TAFA2: variants seen among roughly 807,000 people sequenced by gnomAD.
TAFA2 encodes the protein TAFA chemokine like family member 2.
TAFA2 carries 7 observed loss-of-function variants against 18.8 expected under a neutral mutation model. The ratio of observed to expected loss-of-function variants is 0.37; its 90% confidence interval spans 0.21 to 0.70. The LOEUF (loss-of-function observed/expected upper bound fraction) is 0.70, where lower values mean the gene tolerates loss of function less well. Ranked by LOEUF, TAFA2 falls within the 30% of genes least tolerant of loss-of-function variation. TAFA2 has a pLI of 0.53. For synonymous variants in TAFA2, 60 were observed against 54.2 expected, an observed-to-expected ratio of 1.11 and a Z score of -0.47; for missense variants, 122 against 158.1, an observed-to-expected ratio of 0.77 and a Z score of 1.23.
At chr12:61,818,885 C>A (rs1872203781) in intron 2 of TAFA2, among the ~76,000 whole-genome samples, 1 of 152,108 alleles carries the variant, frequency 6.6e-6, no homozygotes. Flanking sequence ...ATGCTTATGG[C>A]TACCAATGAA....
chr12:61,960,842 A>G (rs1878859786), intron 1 of TAFA2, among the ~76,000 whole-genome samples: 1 of 151,800 alleles, frequency 6.6e-6, no homozygotes, highest in Non-Finnish European at 1.5e-5. Context: ...CATTTATAAC[A>G]TCTCATAAGC....
intron 1 of TAFA2, among the ~76,000 whole-genome samples, chr12:62,007,454 C>G (rs1282713652): frequency 6.6e-6 from 1 of 152,130 alleles, no homozygotes; most frequent in Non-Finnish European, 1.5e-5. Flanking sequence ...GTTCACTGTT[C>G]TGTTCACAGT....
intron 1 of TAFA2, among the ~76,000 whole-genome samples, chr12:62,164,941 GA>G (rs2062429055): frequency 6.6e-6 from 1 of 152,064 alleles, no homozygotes; most frequent in Non-Finnish European, 1.5e-5. Context: ...ATTTACAGAT[GA>G]AACCCAGAGA....
chr12:62,097,871 A>G (rs530864408), intron 1 of TAFA2, among the ~76,000 whole-genome samples: 4 of 152,262 alleles, frequency 2.6e-5, no homozygotes, highest in South Asian at 2.1e-4. Context: ...AGCTTTTCTC[A>G]GCTGTGTTCA....
intron 1 of TAFA2, among the ~76,000 whole-genome samples, chr12:61,911,991 T>C (rs1180207411): frequency 6.6e-6 from 1 of 152,192 alleles, no homozygotes; most frequent in African/African-American, 2.4e-5. Flanking sequence ...ACTTAAAATT[T>C]TTACCAAACT....
chr12:62,113,858 A>T (rs1869842781), intron 1 of TAFA2, among the ~76,000 whole-genome samples: 1 of 152,206 alleles, frequency 6.6e-6, no homozygotes, highest in African/African-American at 2.4e-5. Flanking sequence ...AAGCTCGAGC[A>T]TCCAGGTCGA....
At chr12:62,118,220 C>A (rs1397952780) in intron 1 of TAFA2, among the ~76,000 whole-genome samples, 2 of 152,066 alleles carry the variant, frequency 1.3e-5, no homozygotes, top group Non-Finnish European at 2.9e-5. Context: ...GTTTTTAACT[C>A]TATAAAATGG....
chr12:62,002,898 C>T (rs1004341440), intron 1 of TAFA2, among the ~76,000 whole-genome samples: 5 of 152,150 alleles, frequency 3.3e-5, no homozygotes, highest in African/African-American at 1.2e-4. Context: ...TCAATTCACT[C>T]TAAAAATGCT....
Position 62,115,687 on chromosome 12 carries a change from G to C in TAFA2, c.-2+75572C>G, listed in dbSNP as rs555763145. ...TGCTTCCCACGGTTGTGTCTGGTTTGTACCAGATGGAGGGAGCTTACTTAA... is the reference window on the plus strand; with the variant it reads ...TGCTTCCCACGGTTGTGTCTGGTTTCTACCAGATGGAGGGAGCTTACTTAA... On this transcript the variant is annotated intron_variant, in intron 1 of 4. Transcript: ENST00000416284. 2.6e-5 allele frequency among the ~76,000 whole-genome samples: 4 copies of C among 152,294 alleles called. No homozygotes were observed. The East Asian group carries it at 7.7e-4, about 29-fold the overall frequency.
chr12:62,089,497 C>T (rs1261679684), intron 1 of TAFA2, among the ~76,000 whole-genome samples: 2 of 151,758 alleles, frequency 1.3e-5, no homozygotes, highest in African/African-American at 4.8e-5. Context: ...CAGTTGATAG[C>T]CCTAGGATAT....
At chr12:62,205,947 TG>T (rs2062689762) in intron 1 of TAFA2, among the ~76,000 whole-genome samples, 2 of 152,286 alleles carry the variant, frequency 1.3e-5, no homozygotes, top group Middle Eastern at 3.4e-3. Context: ...AATCACTCAC[TG>T]ACTCCCTTGG....
intron 1 of TAFA2, among the ~76,000 whole-genome samples, chr12:61,887,810 A>C (rs941470033): frequency 3.6e-4 from 55 of 151,452 alleles, no homozygotes; most frequent in Non-Finnish European, 6.6e-4. Flanking sequence ...TATATGTGCC[A>C]CATTTTCTTA....
chr12:62,142,572 A>G (rs1284305852), intron 1 of TAFA2, among the ~76,000 whole-genome samples: 1 of 152,202 alleles, frequency 6.6e-6, no homozygotes, highest in East Asian at 1.9e-4. Context: ...ATATTGGCCA[A>G]TATTGCAGAG....
chr12:61,779,880 C>T lies in TAFA2; in HGVS notation c.107-24856G>A, dbSNP rs190116988. 8.2e-3 allele frequency among the ~76,000 whole-genome samples: 1,251 copies of T among 151,760 alleles called. 6 individuals carry two copies. Among genetic ancestry groups the T allele is most frequent in the Non-Finnish European group, 0.013 (915 of 67,812 alleles). ...GTCTTCTTACTGGATCTGTTCTTTT[C>T]CCTTTTTATGACTATAAATATTAAT... On this transcript the variant is annotated intron_variant, in intron 2 of 4. Transcript: ENST00000416284.
intron 1 of TAFA2, among the ~76,000 whole-genome samples, chr12:62,090,436 C>T (rs1047196333): frequency 2.0e-5 from 3 of 152,010 alleles, no homozygotes; most frequent in African/African-American, 7.2e-5. Context: ...AAAATAGGAG[C>T]ATTTTTTACT....
chr12:61,790,950 T>C (rs984243412), intron 2 of TAFA2, among the ~76,000 whole-genome samples: 3 of 151,774 alleles, frequency 2.0e-5, no homozygotes, highest in African/African-American at 7.3e-5. Flanking sequence ...TATTACCTGA[T>C]TTCAAAATAT....
intron 2 of TAFA2, among the ~76,000 whole-genome samples, chr12:61,781,820 CA>C (rs1870516016): frequency 6.6e-6 from 1 of 151,390 alleles, no homozygotes; most frequent in Admixed American, 6.6e-5. Flanking sequence ...ATAACTAAGC[CA>C]AAATAACAGC....
chr12:61,959,891 G>T, intron 1 of TAFA2, among the ~76,000 whole-genome samples: 1 of 151,634 alleles, frequency 6.6e-6, no homozygotes, highest in Non-Finnish European at 1.5e-5. Context: ...AGAGAGGGGT[G>T]TCACTGTGTT....
chr12:61,913,198 T>C (rs1388667623), intron 1 of TAFA2, among the ~76,000 whole-genome samples: 1 of 151,828 alleles, frequency 6.6e-6, no homozygotes, highest in East Asian at 1.9e-4. Flanking sequence ...AATAAATACA[T>C]AGGGAAAGAA....
Sources: gnomAD v4.1 joint callset for allele counts (sites outside exome capture counted in the v4.1 genomes callset) on GRCh38, gnomAD v4.1.1 for gene constraint, MANE v1.5 for transcripts, NCBI Gene and HGNC (gene_info 2026-07-23, HGNC 2026-07-21) for gene names.